The following MTHFD2L variants were observed in gnomAD, a reference collection of about 807,000 sequenced individuals.
MTHFD2L encodes bifunctional methylenetetrahydrofolate dehydrogenase/cyclohydrolase 2, mitochondrial.
Under a neutral mutation model 34.9 loss-of-function variants are expected in MTHFD2L, and 29 were observed. The ratio of observed to expected loss-of-function variants is 0.83; its 90% confidence interval spans 0.62 to 1.13. The LOEUF (loss-of-function observed/expected upper bound fraction) is 1.13, where lower values mean the gene tolerates loss of function less well. MTHFD2L is among the 50% of genes most tolerant of loss of function. The probability of loss-of-function intolerance (pLI) is 0.00; values close to 1 mark genes in which losing one functional copy is unlikely to be tolerated. For missense variants in MTHFD2L, 481 were observed against 446.5 expected (o/e 1.08, Z -0.70); for synonymous variants, 167 against 155.7 (o/e 1.07, Z -0.54).
chr4:74,204,972 T>C (rs1735051035), intron 5 of MTHFD2L, among the ~76,000 whole-genome samples: 1 of 152,138 alleles, frequency 6.6e-6, no homozygotes, highest in Non-Finnish European at 1.5e-5. Flanking sequence ...TTTGAATGCA[T>C]GTTAAAATGG....
chr4:74,276,026 C>T (rs1746602459), intron 6 of MTHFD2L, among the ~76,000 whole-genome samples: 1 of 152,074 alleles, frequency 6.6e-6, no homozygotes, highest in Non-Finnish European at 1.5e-5. Context: ...TTGTCCATGC[C>T]TATGTCCTGA....
intron 1 of MTHFD2L, among the ~76,000 whole-genome samples, chr4:74,148,327 T>C (rs1388314909): frequency 6.6e-6 from 1 of 151,510 alleles, no homozygotes; most frequent in South Asian, 2.1e-4. Flanking sequence ...CCCCCCTTTT[T>C]TATTGCCTTT....
intron 3 of MTHFD2L, chr4:74,183,382 G>A (rs772507304): frequency 6.6e-6 from 1 of 152,082 alleles, no homozygotes; most frequent in Middle Eastern, 3.1e-3. Flanking sequence ...ATACTAAAAG[G>A]CCCGGGTGTG....
chr4:74,164,817 C>T (rs1360331786), intron 1 of MTHFD2L: 1 of 176,882 alleles, frequency 5.7e-6, no homozygotes, highest in Non-Finnish European at 1.1e-5. Flanking sequence ...GCCACCACCT[C>T]CCTTCTTTAA....
intron 7 of MTHFD2L, among the ~76,000 whole-genome samples, chr4:74,294,769 G>T (rs183727975): frequency 7.8e-4 from 118 of 152,174 alleles, no homozygotes; most frequent in Middle Eastern, 6.8e-3. Flanking sequence ...CTTCAAGTTA[G>T]AATCAAGTAA....
intron 7 of MTHFD2L, among the ~76,000 whole-genome samples, chr4:74,288,618 C>T (rs1320011060): frequency 1.3e-5 from 2 of 152,182 alleles, no homozygotes; most frequent in Non-Finnish European, 2.9e-5. Flanking sequence ...GGGACAATCT[C>T]GTCATTGTCT....
intron 7 of MTHFD2L, among the ~76,000 whole-genome samples, chr4:74,284,509 C>T (rs1747896654): frequency 6.6e-6 from 1 of 151,370 alleles, no homozygotes; most frequent in Admixed American, 6.6e-5. Context: ...TATCCTTCGC[C>T]CACTTGTTGA....
chr4:74,224,391 A>G (rs1738808874), intron 5 of MTHFD2L, among the ~76,000 whole-genome samples: 1 of 151,904 alleles, frequency 6.6e-6, no homozygotes, highest in South Asian at 2.1e-4. Context: ...GCTTTTGGTA[A>G]CTCTTAACAT....
chr4:74,119,574 G>A (rs538348845), upstream of MTHFD2L, among the ~76,000 whole-genome samples: 242 of 152,264 alleles, frequency 1.6e-3, no homozygotes, highest in Non-Finnish European at 1.6e-3. Context: ...ACGAGGTCAG[G>A]AGATTGAGAC....
intron 3 of MTHFD2L, among the ~76,000 whole-genome samples, chr4:74,186,077 A>G (rs1731180438): frequency 1.3e-5 from 2 of 152,186 alleles, no homozygotes; most frequent in South Asian, 4.1e-4. Flanking sequence ...ATTTAACATT[A>G]GAACAGTAAA....
intron 6 of MTHFD2L, among the ~76,000 whole-genome samples, chr4:74,277,789 G>T (rs1385616625): frequency 1.3e-5 from 2 of 151,460 alleles, no homozygotes; most frequent in African/African-American, 4.9e-5. Context: ...TTCTCGTTTT[G>T]TTTTTAGGTG....
Position 74,242,234 on chromosome 4 carries a change from A to C in MTHFD2L, c.805+16840A>C, listed in dbSNP as rs182740015. ...AACAGACTACAAAAATGGTCAAAAA[A>C]GCATGTATGTGGACATTTAATCTTT... On this transcript the variant is annotated intron_variant, in intron 6 of 7. Coordinates refer to ENST00000325278, the MANE Select transcript of MTHFD2L (RefSeq NM_001144978.3). 2.6e-5 allele frequency: 4 copies of C among 152,318 alleles called. No homozygotes were observed. In the East Asian group the frequency reaches 7.7e-4, roughly 29 times the overall value. The allele number at this position is 152,318 out of a possible 1,614,324, so 9.4% of individuals were successfully genotyped here. A position where few individuals can be genotyped will look rare whatever the true frequency, so the allele number is the denominator to read the frequency against.
chr4:74,281,756 C>T (rs1214889415), intron 7 of MTHFD2L, among the ~76,000 whole-genome samples: 1 of 152,038 alleles, frequency 6.6e-6, no homozygotes, highest in Non-Finnish European at 1.5e-5. Context: ...TTCCTTTCTT[C>T]CTTTTCTCCC....
At chr4:74,150,494 T>C (rs1193436577) in intron 1 of MTHFD2L, among the ~76,000 whole-genome samples, 2 of 152,210 alleles carry the variant, frequency 1.3e-5, no homozygotes, top group Non-Finnish European at 2.9e-5. Context: ...CCTCGGGTGA[T>C]CCGCCCGCCT....
intron 3 of MTHFD2L, among the ~76,000 whole-genome samples, chr4:74,189,093 A>C (rs1410970305): frequency 6.6e-6 from 1 of 152,110 alleles, no homozygotes; most frequent in Non-Finnish European, 1.5e-5. Context: ...ATATAGATCA[A>C]GGCGATAACT....
At chr4:74,276,871 A>G (rs912320065) in intron 6 of MTHFD2L, among the ~76,000 whole-genome samples, 21 of 152,158 alleles carry the variant, frequency 1.4e-4, no homozygotes, top group Non-Finnish European at 7.3e-5. Flanking sequence ...AGAATGAATG[A>G]TAGAGTCAAA....
chr4:74,155,092 T>C (rs1724161397), upstream of MTHFD2L, among the ~76,000 whole-genome samples: 1 of 152,180 alleles, frequency 6.6e-6, no homozygotes, highest in African/African-American at 2.4e-5. Flanking sequence ...GAATTGGTAA[T>C]GTAAATCAAC....
chr4:74,176,867 G>C (rs519014), intron 3 of MTHFD2L, among the ~76,000 whole-genome samples: 23,433 of 151,806 alleles, frequency 0.15, 3,909 homozygotes, highest in African/African-American at 0.41. Flanking sequence ...AAAAAGTAAA[G>C]CTATATAATG....
At chr4:74,148,627 A>C (rs966559652) in intron 1 of MTHFD2L, among the ~76,000 whole-genome samples, 3 of 151,916 alleles carry the variant, frequency 2.0e-5, no homozygotes, top group Non-Finnish European at 4.4e-5. Context: ...AGCCTCCCAA[A>C]GTGCTAGCAT....
Sources: gnomAD v4.1 joint callset for allele counts (sites outside exome capture counted in the v4.1 genomes callset) on GRCh38, gnomAD v4.1.1 for gene constraint, MANE v1.5 for transcripts, NCBI Gene and HGNC (gene_info 2026-07-23, HGNC 2026-07-21) for gene names.